Variants in CPB1 observed in about 807,000 individuals in gnomAD.
CPB1 encodes the protein carboxypeptidase B1, also known as carboxypeptidase B.
A neutral mutation model predicts 51.4 loss-of-function variants in CPB1; 53 were observed. The ratio of observed to expected loss-of-function variants is 1.03; its 90% CI spans 0.83 to 1.30. The LOEUF (loss-of-function observed/expected upper bound fraction) is 1.30. Among genes scored for constraint, CPB1 ranks in the 50% most tolerant of loss-of-function variants. CPB1 has a pLI of 0.00. For synonymous variants in CPB1, 189 were observed against 186.9 expected (o/e 1.01, Z -0.09); for missense variants, 494 against 516.2 (o/e 0.96, Z 0.42).
intron 9 of CPB1, among the ~76,000 whole-genome samples, chr3:148,848,079 C>A (rs1169597382): frequency 6.6e-6 from 1 of 152,082 alleles, no homozygotes; most frequent in Non-Finnish European, 1.5e-5. Flanking sequence ...TTTTGAGTAG[C>A]TGGAGATCCT....
chr3:148,829,434 A>T (rs866844961), intron 2 of CPB1, among the ~76,000 whole-genome samples: 1 of 152,204 alleles, frequency 6.6e-6, no homozygotes, highest in Admixed American at 6.5e-5. Flanking sequence ...CTATGAGCTT[A>T]TATTAACCTG....
intron 6 of CPB1, among the ~76,000 whole-genome samples, chr3:148,843,970 T>C (rs1713160375): frequency 6.6e-6 from 1 of 152,194 alleles, no homozygotes; most frequent in African/African-American, 2.4e-5. Context: ...TCTCATTACC[T>C]TGTTATATTG....
intron 8 of CPB1, 130 bp downstream of exon 8, chr3:148,844,897 CA>C (rs374599024): frequency 0.086 from 48,941 of 567,034 alleles, 10 homozygotes; most frequent in East Asian, 0.097. Context: ...CTAAAAGCAC[CA>C]AAAAAAAAAA....
intron 2 of CPB1, among the ~76,000 whole-genome samples, chr3:148,833,911 G>A (rs1378307327): frequency 6.6e-6 from 1 of 152,024 alleles, no homozygotes; most frequent in Non-Finnish European, 1.5e-5. Flanking sequence ...GAAAATGTCA[G>A]TACATGACTG....
At chr3:148,847,619 GAT>G (rs1420501642) in intron 9 of CPB1, among the ~76,000 whole-genome samples, 1 of 152,026 alleles carries the variant, frequency 6.6e-6, no homozygotes, top group Non-Finnish European at 1.5e-5. Flanking sequence ...TAGTAAAAGA[GAT>G]ACTATTCAAA....
chr3:148,857,513 C>T lies in CPB1; in HGVS notation c.1038C>T (p.Tyr346=). ...TTGCCTCACTGCACGGCACCAAGTACACATATGGCCCGGGAGCTACAACAA... is the reference window on the plus strand; with the variant it reads ...TTGCCTCACTGCACGGCACCAAGTATACATATGGCCCGGGAGCTACAACAA... ...KELASLHGTK[Y]TYGPGATTIY... is the part of the protein sequence containing the mutation. Residue 346 remains tyrosine, a synonymous_variant, in exon 10 of 11, where the codon TAC becomes TAT. Transcript: ENST00000282957. 1 of 1,613,908 alleles carries T rather than the reference C, an allele frequency of 6.2e-7. No homozygotes were observed. Among genetic ancestry groups the T allele is most frequent in the Non-Finnish European group, 8.5e-7 (1 of 1,179,864 alleles).
intron 9 of CPB1, among the ~76,000 whole-genome samples, chr3:148,853,568 C>T (rs933433899): frequency 2.6e-5 from 4 of 152,160 alleles, no homozygotes; most frequent in African/African-American, 7.2e-5. Context: ...AGAGAACATG[C>T]ATAAGATGTG....
chr3:148,831,794 T>A (rs1712746591), intron 2 of CPB1, among the ~76,000 whole-genome samples: 1 of 152,212 alleles, frequency 6.6e-6, no homozygotes, highest in Non-Finnish European at 1.5e-5. Flanking sequence ...TATATTTCAC[T>A]CCATGTTTAT....
intron 9 of CPB1, among the ~76,000 whole-genome samples, chr3:148,853,099 A>C (rs1039497740): frequency 2.0e-5 from 3 of 152,206 alleles, no homozygotes; most frequent in Non-Finnish European, 4.4e-5. Context: ...GATTATTTTG[A>C]TGTTTCTCTT....
rs75648238 is a variant in CPB1, at chr3:148,845,380, C to T, written c.779-44C>T. On this transcript the variant is annotated intron_variant, in intron 8 of 10. Coordinates refer to ENST00000282957, the MANE Select transcript of CPB1 (RefSeq NM_001871.3). Reference sequence around the variant, plus strand: ...AAAGTTTAAAACATCCCCACAAGAACTTCACTAGGTGATCCTTGCCATTAA... The same window carrying T: ...AAAGTTTAAAACATCCCCACAAGAATTTCACTAGGTGATCCTTGCCATTAA... The T allele has an allele frequency of 4.5e-3, 7,088 of 1,574,228 alleles. 246 individuals are homozygous for T. The African/African-American group carries it at 0.08, about 18-fold the overall frequency.
At chr3:148,838,707 A>T (rs1712984308) in intron 3 of CPB1, among the ~76,000 whole-genome samples, 1 of 152,226 alleles carries the variant, frequency 6.6e-6, no homozygotes, top group African/African-American at 2.4e-5. Flanking sequence ...ATTGGAATCA[A>T]GTCACTGCAT....
chr3:148,833,378 G>T (rs1171210736), intron 2 of CPB1, among the ~76,000 whole-genome samples: 2 of 152,140 alleles, frequency 1.3e-5, no homozygotes, highest in African/African-American at 4.8e-5. Flanking sequence ...TACCAGGACA[G>T]AATATAGGTT....
chr3:148,829,689 T>A (rs1345553144), intron 2 of CPB1, among the ~76,000 whole-genome samples: 1 of 152,210 alleles, frequency 6.6e-6, no homozygotes, highest in Non-Finnish European at 1.5e-5. Flanking sequence ...TTGATAATCA[T>A]GTCTTTTTGA....
intron 2 of CPB1, among the ~76,000 whole-genome samples, chr3:148,828,534 C>T (rs16861015): frequency 0.2 from 30,592 of 151,948 alleles, 3,520 homozygotes; most frequent in South Asian, 0.37. Flanking sequence ...GATTCAGGTC[C>T]CCTTAATGAT....
intron 2 of CPB1, among the ~76,000 whole-genome samples, chr3:148,834,218 A>G (rs1265697682): frequency 6.6e-6 from 1 of 152,236 alleles, no homozygotes; most frequent in African/African-American, 2.4e-5. Flanking sequence ...ATAGAAAAGA[A>G]CAGTTACAGA....
At position 148,857,482 on chromosome 3, in the gene CPB1, A is replaced by T; in HGVS notation, c.1007A>T (p.Lys336Ile). ...AATGCCCTGGCTAAAGCTACTGTGA[A>T]AGAACTTGCCTCACTGCACGGCACC... Reference protein sequence around the residue: ...ELNALAKATVKELASLHGTKY... With the variant: ...ELNALAKATVIELASLHGTKY... Residue 336 changes from lysine (K) to isoleucine (I), a missense_variant, in exon 10 of 11, where the codon AAA becomes ATA. Coordinates refer to ENST00000282957, the MANE Select transcript of CPB1 (RefSeq NM_001871.3). 1.2e-6 allele frequency: 2 copies of T among 1,614,012 alleles called. No homozygotes were observed. The highest frequency in any genetic ancestry group is 1.7e-6 in the Non-Finnish European group (2 of 1,179,938).
chr3:148,832,203 C>T (rs1405817375), intron 2 of CPB1, among the ~76,000 whole-genome samples: 1 of 152,138 alleles, frequency 6.6e-6, no homozygotes, highest in African/African-American at 2.4e-5. Flanking sequence ...GTAACACTTT[C>T]TCTAAATATA....
In CPB1 at chr3:148,846,781, A is replaced by ATGTGTGTGTGTGTG. The variant is rs1223556507; in HGVS notation, c.981+1165_981+1166insTGTGTGTGTGTGTG. Among the ~76,000 whole-genome samples, 323 of 58,278 alleles carry ATGTGTGTGTGTGTG rather than the reference A, an allele frequency of 5.5e-3. 24 individuals carry two copies. Among genetic ancestry groups the ATGTGTGTGTGTGTG allele is most frequent in the East Asian group, 8.4e-3 (16 of 1,900 alleles). The allele number at this position is 58,278 out of a possible 152,430, so 38.2% of individuals were successfully genotyped here. A position where few individuals can be genotyped will look rare whatever the true frequency, so the allele number is the denominator to read the frequency against. On this transcript the variant is annotated intron_variant, in intron 9 of 10. Transcript: ENST00000282957. ...CATATATATATATATACACATATAT[A>ATGTGTGTGTGTGTG]TGTGTGTGTGCGTGTGTATATATAT...
At chr3:148,859,132 T>C (rs1210720910) in intron 10 of CPB1, among the ~76,000 whole-genome samples, 3 of 152,184 alleles carry the variant, frequency 2.0e-5, no homozygotes. Context: ...CATTACACTG[T>C]AAGACTTTGG....
Sources: allele counts gnomAD v4.1 joint callset (sites outside exome capture counted in the v4.1 genomes callset), GRCh38; gene constraint gnomAD v4.1.1; transcripts MANE v1.5; gene names NCBI Gene and HGNC (gene_info 2026-07-23, HGNC 2026-07-21).